Variants in CPNE4 observed in about 807,000 individuals in gnomAD.
CPNE4 encodes copine 4, also known as copine-4.
Under a neutral mutation model 67.9 loss-of-function variants are expected in CPNE4, and 25 were observed. The ratio of observed to expected loss-of-function variants is 0.37; its 90% CI spans 0.27 to 0.51. CPNE4 has a LOEUF of 0.51. CPNE4 is among the 20% of genes least tolerant of loss of function. The pLI is 0.93. For synonymous variants in CPNE4, 242 were observed against 244.9 expected, an observed-to-expected ratio of 0.99 and a Z score of 0.11; for missense variants, 464 against 690.8, an observed-to-expected ratio of 0.67 and a Z score of 3.68.
chr3:131,964,225 C>T (rs1336371542), intron 1 of CPNE4, among the ~76,000 whole-genome samples: 1 of 152,132 alleles, frequency 6.6e-6, no homozygotes, highest in Non-Finnish European at 1.5e-5. Context: ...AGGCCATCAG[C>T]ATCAAAGATC....
chr3:131,896,464 G>A (rs939681881), intron 2 of CPNE4, among the ~76,000 whole-genome samples: 1 of 152,010 alleles, frequency 6.6e-6, no homozygotes, highest in African/African-American at 2.4e-5. Flanking sequence ...AGAAATTGAA[G>A]TGCAAACAAT....
intron 6 of CPNE4, among the ~76,000 whole-genome samples, chr3:131,674,931 C>T (rs1431590931): frequency 1.3e-5 from 2 of 151,796 alleles, no homozygotes; most frequent in Admixed American, 1.3e-4. Context: ...ATCTACTTGT[C>T]TGATATAGGC....
At chr3:132,018,942 C>A (rs886451869) in intron 1 of CPNE4, among the ~76,000 whole-genome samples, 1 of 152,102 alleles carries the variant, frequency 6.6e-6, no homozygotes, top group African/African-American at 2.4e-5. Flanking sequence ...AAAATTAGGG[C>A]GATGCACTTG....
chr3:131,597,661 A>C (rs1938965155), intron 7 of CPNE4, among the ~76,000 whole-genome samples: 1 of 152,112 alleles, frequency 6.6e-6, no homozygotes. Context: ...TTGGCTTTAA[A>C]ATTTTTATTT....
intron 1 of CPNE4, among the ~76,000 whole-genome samples, chr3:131,997,632 A>C (rs186674164): frequency 2.2e-4 from 33 of 152,228 alleles, no homozygotes; most frequent in African/African-American, 7.7e-4. Flanking sequence ...GTACAGCCTC[A>C]TATCTTTTGT....
intron 2 of CPNE4, among the ~76,000 whole-genome samples, chr3:131,759,077 A>T (rs998973072): frequency 3.9e-5 from 6 of 152,204 alleles, no homozygotes; most frequent in African/African-American, 1.4e-4. Context: ...AATCTTGCCC[A>T]GCCCTAGTAG....
chr3:131,710,522 T>C (rs1218552479), intron 3 of CPNE4, among the ~76,000 whole-genome samples: 1 of 152,116 alleles, frequency 6.6e-6, no homozygotes, highest in African/African-American at 2.4e-5. Flanking sequence ...CTTGTAGAAA[T>C]TGAAAGTGGC....
At chr3:131,926,313 A>C (rs2070892693) in intron 1 of CPNE4, among the ~76,000 whole-genome samples, 1 of 152,202 alleles carries the variant, frequency 6.6e-6, no homozygotes, top group African/African-American at 2.4e-5. Flanking sequence ...CATTGTAAAA[A>C]AACAAAGACA....
At chr3:131,666,082 C>T (rs543435817) in intron 7 of CPNE4, among the ~76,000 whole-genome samples, 45 of 151,666 alleles carry the variant, frequency 3.0e-4, no homozygotes, top group South Asian at 1.3e-3. Context: ...GCAAGGAATA[C>T]GGAAGTGGGT....
At chr3:132,012,012 C>G (rs1239294099) in intron 1 of CPNE4, among the ~76,000 whole-genome samples, 1 of 152,160 alleles carries the variant, frequency 6.6e-6, no homozygotes, top group Non-Finnish European at 1.5e-5. Flanking sequence ...CAAACTTTTT[C>G]TATAAAGGGA....
chr3:131,920,627 T>C (rs1480242533), intron 1 of CPNE4, among the ~76,000 whole-genome samples: 1 of 146,586 alleles, frequency 6.8e-6, no homozygotes, highest in Non-Finnish European at 1.5e-5. Flanking sequence ...ACATTTTAAA[T>C]ACAAAAAAAA....
At chr3:131,906,120 T>C (rs963030955) in intron 1 of CPNE4, among the ~76,000 whole-genome samples, 1 of 152,030 alleles carries the variant, frequency 6.6e-6, no homozygotes, top group African/African-American at 2.4e-5. Flanking sequence ...CTTCCTATTC[T>C]GAACTTGTGG....
intron 1 of CPNE4, among the ~76,000 whole-genome samples, chr3:131,951,753 T>C (rs1225012): frequency 0.079 from 12,009 of 151,970 alleles, 606 homozygotes; most frequent in Admixed American, 0.16. Flanking sequence ...TTGGTGGAGA[T>C]GGGGTTTCGC....
intron 7 of CPNE4, among the ~76,000 whole-genome samples, chr3:131,632,945 C>T (rs553531311): frequency 1.3e-5 from 2 of 152,246 alleles, no homozygotes; most frequent in East Asian, 1.9e-4. Context: ...TAGATGATCC[C>T]GTATCTCTCC....
chr3:131,730,203 T>C (rs532592066), intron 2 of CPNE4, among the ~76,000 whole-genome samples: 3 of 152,228 alleles, frequency 2.0e-5, no homozygotes, highest in African/African-American at 4.8e-5. Flanking sequence ...TATTGTTTAA[T>C]TGGAATATCT....
intron 1 of CPNE4, among the ~76,000 whole-genome samples, chr3:132,022,567 CAAA>C (rs764015160): frequency 0.011 from 442 of 38,874 alleles, 5 homozygotes; most frequent in African/African-American, 0.033. Context: ...AGATGCTATA[CAAA>C]AAAAAAATAA....
rs147869766 is a variant in CPNE4 at position 131,838,829 on chromosome 3, G to GTA, written c.180+66433_180+66434dup. 3.3e-3 allele frequency among the ~76,000 whole-genome samples: 496 copies of GTA among 150,374 alleles called. 2 individuals are homozygous for GTA. The highest frequency in any genetic ancestry group is 5.8e-3 in the Non-Finnish European group (389 of 67,420). On this transcript the variant is annotated intron_variant, in intron 2 of 15. Transcript: ENST00000429747. ...TATATTCGTATACATGAATATGTGT[G>GTA]TATATATATATATGCACATATGTGA... is the stretch of plus-strand genomic sequence containing the variant.
intron 1 of CPNE4, among the ~76,000 whole-genome samples, chr3:131,924,503 T>A (rs1047767400): frequency 6.6e-6 from 1 of 152,120 alleles, no homozygotes; most frequent in Non-Finnish European, 1.5e-5. Context: ...GTTCCAAAAC[T>A]TTGCTGCACC....
intron 2 of CPNE4, among the ~76,000 whole-genome samples, chr3:131,868,687 C>T (rs1343169027): frequency 3.3e-5 from 5 of 152,108 alleles, no homozygotes; most frequent in Admixed American, 2.6e-4. Flanking sequence ...ACATAGGGCA[C>T]TTCTGACACC....
Sources: gnomAD v4.1 joint callset for allele counts (sites outside exome capture counted in the v4.1 genomes callset) on GRCh38, gnomAD v4.1.1 for gene constraint, MANE v1.5 for transcripts, NCBI Gene and HGNC (gene_info 2026-07-23, HGNC 2026-07-21) for gene names.